CHL1: variants seen among roughly 807,000 people sequenced by gnomAD.
CHL1 encodes the protein neural cell adhesion molecule L1-like protein.
A neutral mutation model predicts 141.9 loss-of-function variants in CHL1; 96 were observed. That is an observed-to-expected ratio of 0.68 (90% CI 0.57 to 0.80). The LOEUF is 0.80. Ranked by LOEUF, CHL1 falls within the 30% of genes least tolerant of loss-of-function variation. The probability of loss-of-function intolerance (pLI) is 0.00; values close to 1 mark genes in which losing one functional copy is unlikely to be tolerated. For missense variants in CHL1, 1,820 were observed against 1,457.2 expected (o/e 1.25, Z -4.05); for synonymous variants, 613 against 502.2 (o/e 1.22, Z -2.95).
At chr3:305,374 A>AAT (rs1699132763) in intron 2 of CHL1, among the ~76,000 whole-genome samples, 1 of 152,114 alleles carries the variant, frequency 6.6e-6, no homozygotes, top group Non-Finnish European at 1.5e-5. Context: ...TTAAAAATAT[A>AAT]ATATATATCC....
At chr3:218,895 C>A (rs1321789515) in intron 1 of CHL1, among the ~76,000 whole-genome samples, 1 of 152,082 alleles carries the variant, frequency 6.6e-6, no homozygotes, top group South Asian at 2.1e-4. Flanking sequence ...ACCTGTAATC[C>A]CAGCACTTTG....
intron 1 of CHL1, among the ~76,000 whole-genome samples, chr3:232,316 T>G (rs530941433): frequency 6.6e-6 from 1 of 152,224 alleles, no homozygotes; most frequent in African/African-American, 2.4e-5. Flanking sequence ...GTTATTTTTA[T>G]TTCATTTTCA....
chr3:334,071 C>G (rs1236110158), intron 5 of CHL1, among the ~76,000 whole-genome samples: 1 of 152,112 alleles, frequency 6.6e-6, no homozygotes, highest in African/African-American at 2.4e-5. Context: ...ATCCTTCCAC[C>G]TAAACCTACC....
intron 7 of CHL1, among the ~76,000 whole-genome samples, chr3:342,504 C>G (rs1007286664): frequency 3.3e-5 from 5 of 152,130 alleles, no homozygotes; most frequent in African/African-American, 7.2e-5. Context: ...ACTTGAATCA[C>G]CCTTTCCCGA....
In CHL1 at chr3:249,347, T is replaced by C. The variant is rs550924056; in HGVS notation, c.-95+4655T>C. On this transcript the variant is annotated intron_variant, in intron 2 of 27. Transcript: ENST00000256509. The stretch of plus-strand genomic sequence containing the variant: ...CTCATGCACAAAGATCAAAGATTAG[T>C]GACTTCACATTTACCACAACATCCC... Among the ~76,000 whole-genome samples, 9 of 152,018 alleles carry C rather than the reference T, an allele frequency of 5.9e-5. 1 individual carries two copies. The highest frequency in any genetic ancestry group is 1.3e-4 in the Non-Finnish European group (9 of 67,998).
At chr3:200,545 G>T (rs1320197024) in intron 1 of CHL1, among the ~76,000 whole-genome samples, 2 of 152,186 alleles carry the variant, frequency 1.3e-5, no homozygotes, top group Non-Finnish European at 2.9e-5. Context: ...AGTCGGAAGA[G>T]AATGCAATTA....
At chr3:274,121 G>C (rs1479378916) in intron 2 of CHL1, among the ~76,000 whole-genome samples, 1 of 152,134 alleles carries the variant, frequency 6.6e-6, no homozygotes, top group Non-Finnish European at 1.5e-5. Context: ...CAGAGAATTT[G>C]CATGTACTCA....
chr3:353,510 T>C (rs545531458), intron 10 of CHL1, among the ~76,000 whole-genome samples: 1 of 152,320 alleles, frequency 6.6e-6, no homozygotes, highest in African/African-American at 2.4e-5. Context: ...GATATTTAAC[T>C]TGGAATTTAA....
rs147085493 is a variant in CHL1, at chr3:219,656, G to C, written c.-175+22593G>C. Reference sequence around the variant, plus strand: ...TGGAAGCTAAGTGATGAGAAAACATGAACACTTAGAGGAGAACAACACACA... The same window carrying C: ...TGGAAGCTAAGTGATGAGAAAACATCAACACTTAGAGGAGAACAACACACA... On this transcript the variant is annotated intron_variant, in intron 1 of 27. Transcript: ENST00000256509. Among the ~76,000 whole-genome samples the C allele has an allele frequency of 6.4e-4, 97 of 152,240 alleles. 2 individuals are homozygous for C. In the East Asian group the frequency reaches 0.019, roughly 29 times the overall value.
chr3:226,071 G>A (rs1333790568), intron 1 of CHL1, among the ~76,000 whole-genome samples: 1 of 151,056 alleles, frequency 6.6e-6, no homozygotes, highest in African/African-American at 2.4e-5. Flanking sequence ...GCCCAGGAGA[G>A]AGTGCGGAGG....
At chr3:199,392 T>C (rs557163653) in intron 1 of CHL1, among the ~76,000 whole-genome samples, 2 of 152,350 alleles carry the variant, frequency 1.3e-5, no homozygotes, top group African/African-American at 4.8e-5. Flanking sequence ...CTGTTGCATG[T>C]AGACTTACGG....
intron 8 of CHL1, among the ~76,000 whole-genome samples, chr3:343,507 AAG>A (rs1333736928): frequency 7.9e-5 from 12 of 152,180 alleles, no homozygotes; most frequent in Non-Finnish European, 1.5e-4. Context: ...AGCATTTTTC[AAG>A]TTCATGTGTC....
At chr3:327,364 A>G (rs1013945059) in intron 4 of CHL1, among the ~76,000 whole-genome samples, 1 of 152,028 alleles carries the variant, frequency 6.6e-6, no homozygotes, top group African/African-American at 2.4e-5. Flanking sequence ...AGACTTCTTA[A>G]TGTCATTGTT....
intron 9 of CHL1, among the ~76,000 whole-genome samples, chr3:348,628 A>G (rs1240576087): frequency 6.6e-6 from 1 of 152,162 alleles, no homozygotes; most frequent in Non-Finnish European, 1.5e-5. Context: ...GCTGGTGTGT[A>G]ACAAGTTATC....
At chr3:236,751 A>T (rs2125067844) in intron 1 of CHL1, among the ~76,000 whole-genome samples, 1 of 145,494 alleles carries the variant, frequency 6.9e-6, no homozygotes, top group Middle Eastern at 3.5e-3. Flanking sequence ...TTCCACACTA[A>T]AGATTTCTAA....
chr3:255,335 G>A (rs1351830781), intron 2 of CHL1, among the ~76,000 whole-genome samples: 2 of 152,134 alleles, frequency 1.3e-5, no homozygotes, highest in African/African-American at 4.8e-5. Context: ...ACTTCCTAGA[G>A]TTTCATGTGA....
At chr3:321,010 C>T (rs1700520417) in intron 3 of CHL1, among the ~76,000 whole-genome samples, 1 of 152,014 alleles carries the variant, frequency 6.6e-6, no homozygotes, top group African/African-American at 2.4e-5. Context: ...TTTAATACAT[C>T]TTAGAAAAGT....
intron 24 of CHL1, among the ~76,000 whole-genome samples, chr3:396,819 A>G (rs1396261446): frequency 6.6e-6 from 1 of 152,062 alleles, no homozygotes; most frequent in African/African-American, 2.4e-5. Context: ...AAAAATTACA[A>G]TCTCTTTTTC....
At chr3:394,384 C>A (rs990530258) in intron 23 of CHL1, among the ~76,000 whole-genome samples, 1 of 151,994 alleles carries the variant, frequency 6.6e-6, no homozygotes, top group African/African-American at 2.4e-5. Context: ...GAGCAGCTGG[C>A]TCCAATATAG....
Sources: allele counts gnomAD v4.1 joint callset (sites outside exome capture counted in the v4.1 genomes callset), GRCh38; gene constraint gnomAD v4.1.1; transcripts MANE v1.5; gene names NCBI Gene and HGNC (gene_info 2026-07-23, HGNC 2026-07-21).